NDUFAF6: variants seen among roughly 807,000 people sequenced by gnomAD.
NDUFAF6 encodes NADH dehydrogenase (ubiquinone) complex I, assembly factor 6.
In NDUFAF6, 45 loss-of-function variants were observed where a neutral mutation model predicts 40.8. The observed-to-expected ratio is 1.10, with a 90% CI of 0.87 to 1.42. The LOEUF (loss-of-function observed/expected upper bound fraction) is 1.42. NDUFAF6 is among the 40% of genes most tolerant of loss of function. The pLI is 0.00. For missense variants in NDUFAF6, 435 were observed against 418.5 expected (o/e 1.04, Z -0.34); for synonymous variants, 185 against 155.9 (o/e 1.19, Z -1.39).
At chr8:95,066,519 A>G (rs1227968035) in intron 9 of NDUFAF6, among the ~76,000 whole-genome samples, 1 of 152,066 alleles carries the variant, frequency 6.6e-6, no homozygotes, top group Non-Finnish European at 1.5e-5. Context: ...TCTTCACTTG[A>G]TCATTTTCAT....
intron 2 of NDUFAF6, among the ~76,000 whole-genome samples, chr8:95,014,084 C>G (rs73276417): frequency 0.14 from 21,846 of 152,176 alleles, 1,590 homozygotes; most frequent in Middle Eastern, 0.25. Context: ...TTGTAGCCTG[C>G]TGAACAAAAC....
chr8:94,937,533 AG>A (rs1186373572), intron 1 of NDUFAF6, among the ~76,000 whole-genome samples: 1 of 151,906 alleles, frequency 6.6e-6, no homozygotes, highest in Non-Finnish European at 1.5e-5. Flanking sequence ...CTGGTATCTG[AG>A]GAAGAAGGGA....
rs1043500287 is a variant in NDUFAF6 at position 95,075,874 on chromosome 8, A to G, written c.*753A>G. 7.3e-6 allele frequency: 3 copies of G among 409,750 alleles called. No homozygotes were observed. In the East Asian group the frequency reaches 2.2e-4, roughly 30 times the overall value. 25.4% of individuals were successfully genotyped at this position (409,750 alleles called of 1,614,324 possible). A position where few individuals can be genotyped will look rare whatever the true frequency, so the allele number is the denominator to read the frequency against. On this transcript the variant is annotated 3_prime_UTR_variant and NMD_transcript_variant, in exon 10 of 10. Coordinates refer to the NDUFAF6 transcript ENST00000520757. ...CCAGAGGAGAATCTTTGACAAACAC[A>G]GGTCGATGTTAGTGTGAGCCAGACT...
chr8:94,940,676 C>G (rs933672924), intron 1 of NDUFAF6, among the ~76,000 whole-genome samples: 1 of 152,204 alleles, frequency 6.6e-6, no homozygotes, highest in African/African-American at 2.4e-5. Flanking sequence ...CATTATCTAG[C>G]ACAGATGGTT....
At chr8:95,003,043 A>T (rs1826806215) in intron 2 of NDUFAF6, among the ~76,000 whole-genome samples, 2 of 152,208 alleles carry the variant, frequency 1.3e-5, no homozygotes, top group South Asian at 2.1e-4. Flanking sequence ...TTTCATGTAT[A>T]TGACCCTGAG....
In NDUFAF6 at chr8:95,032,155, T is replaced by A. The variant is rs532087213; in HGVS notation, c.297+61T>A. ...AATGGTGATATAAGGTGTTTAATGC[T>A]GAACAATAAAGAAATATAGTTGTAA... is the stretch of plus-strand genomic sequence containing the variant. On this transcript the variant is annotated intron_variant, in intron 2 of 8. Coordinates refer to ENST00000396124, the MANE Select transcript of NDUFAF6 (RefSeq NM_152416.4). 4,104 of 1,350,974 alleles carry A rather than the reference T, an allele frequency of 3.0e-3. 73 individuals are homozygous for A. The South Asian group carries it at 0.031, about 10-fold the overall frequency. The allele number at this position is 1,350,974 out of a possible 1,614,324, so 83.7% of individuals were successfully genotyped here. A position where few individuals can be genotyped will look rare whatever the true frequency, so the allele number is the denominator to read the frequency against.
chr8:95,052,197 TC>T lies in NDUFAF6; in HGVS notation c.842del (p.Pro281LeufsTer2), dbSNP rs746736083. 35 of 1,614,036 alleles carry T rather than the reference TC, an allele frequency of 2.2e-5. No homozygotes were observed. The highest frequency in any genetic ancestry group is 2.8e-5 in the Non-Finnish European group (33 of 1,180,002). ...AGGCTAGGTCCTTTCACAAAACTGT[TC>T]CTGTGAAAGCATTTCCTGCTTTTCT... ...KHARSFHKTV[P>X]VKAFPAFLQT... On this transcript the variant is annotated frameshift_variant, in exon 8 of 9. Transcript: ENST00000396124. LOFTEE classifies it high-confidence loss of function.
rs772418619 is a variant in NDUFAF6, at chr8:95,075,659, C to T, written c.*538C>T. ...AAATTAAGGATGCAGACACTCAGGG[C>T]GTGTGTCTTGCACAGCCAGCCAGCC... On this transcript the variant is annotated 3_prime_UTR_variant and NMD_transcript_variant, in exon 10 of 10. Coordinates refer to the NDUFAF6 transcript ENST00000520757. 58 of 1,288,242 alleles carry T rather than the reference C, an allele frequency of 4.5e-5. No homozygotes were observed. The Middle Eastern group carries it at 7.7e-4, about 17-fold the overall frequency. 79.8% of individuals were successfully genotyped at this position (1,288,242 alleles called of 1,614,324 possible).
chr8:95,056,168 T>C (rs749861687), intron 8 of NDUFAF6, among the ~76,000 whole-genome samples: 5 of 152,186 alleles, frequency 3.3e-5, no homozygotes, highest in Non-Finnish European at 7.3e-5. Flanking sequence ...TTCACTGTAG[T>C]ATAATATTAA....
At chr8:95,078,118 G>A (rs976866205), downstream of NDUFAF6, among the ~76,000 whole-genome samples, 1 of 152,188 alleles carries the variant, frequency 6.6e-6, no homozygotes, top group African/African-American at 2.4e-5. Context: ...GGAGCCCATG[G>A]AGAGAATCAA....
intron 1 of NDUFAF6, among the ~76,000 whole-genome samples, chr8:94,976,458 C>G (rs183724210): frequency 0.15 from 20,744 of 139,734 alleles, 1,685 homozygotes; most frequent in Middle Eastern, 0.23. Context: ...AGCCAAGATC[C>G]CGCCACTGCA....
At chr8:94,958,936 A>G (rs10429443) in intron 1 of NDUFAF6, among the ~76,000 whole-genome samples, 77,035 of 152,108 alleles carry the variant, frequency 0.51, 19,936 homozygotes, top group East Asian at 0.72. Context: ...GGAAAGCAAA[A>G]GATCAAAGTG....
intron 9 of NDUFAF6, among the ~76,000 whole-genome samples, chr8:95,064,038 A>ATTT (rs1160777112): frequency 2.9e-5 from 3 of 104,810 alleles, no homozygotes; most frequent in African/African-American, 6.9e-5. Context: ...CGCCTGGCTA[A>ATTT]TTTTTTTTTT....
At chr8:95,060,894 T>C (rs1201121547), downstream of NDUFAF6, among the ~76,000 whole-genome samples, 4 of 151,886 alleles carry the variant, frequency 2.6e-5, no homozygotes, top group Non-Finnish European at 5.9e-5. Context: ...GAGAGAGAAA[T>C]AGACAATCGA....
At chr8:94,980,943 G>C (rs763725924) in exon 2 of NDUFAF6, 3 of 456,684 alleles carry the variant, frequency 6.6e-6, no homozygotes, top group South Asian at 1.5e-5. Flanking sequence ...ATGCCAATCA[G>C]CATTTCACAT....
intron 9 of NDUFAF6, among the ~76,000 whole-genome samples, chr8:95,074,709 C>T (rs1247858008): frequency 6.6e-6 from 1 of 152,166 alleles, no homozygotes. Context: ...TCCTTGTTCA[C>T]TGTTTCTCAG....
chr8:94,924,096 T>C (rs1224401012), intron 1 of NDUFAF6, among the ~76,000 whole-genome samples: 2 of 152,206 alleles, frequency 1.3e-5, no homozygotes, highest in African/African-American at 4.8e-5. Context: ...AGTCTCGCTC[T>C]GTCGCCCAGG....
chr8:94,923,828 C>T (rs1298293601), intron 1 of NDUFAF6, among the ~76,000 whole-genome samples: 10 of 146,346 alleles, frequency 6.8e-5, no homozygotes, highest in Admixed American at 1.4e-4. Flanking sequence ...TACAGGTGCC[C>T]GCCACCACGC....
At chr8:94,996,427 A>G (rs912180603) in intron 2 of NDUFAF6, among the ~76,000 whole-genome samples, 2 of 152,222 alleles carry the variant, frequency 1.3e-5, no homozygotes, top group African/African-American at 4.8e-5. Context: ...ATTTTCATGT[A>G]TTTAACTGAC....
Sources: gnomAD v4.1 joint callset for allele counts (sites outside exome capture counted in the v4.1 genomes callset) on GRCh38, gnomAD v4.1.1 for gene constraint, MANE v1.5 for transcripts, NCBI Gene and HGNC (gene_info 2026-07-23, HGNC 2026-07-21) for gene names.